Variants in LRP1B observed in about 807,000 individuals in gnomAD.
LRP1B encodes LDL receptor related protein 1B, also known as low-density lipoprotein receptor-related protein 1B.
Under a neutral mutation model 556.6 loss-of-function variants are expected in LRP1B, and 217 were observed. The ratio of observed to expected loss-of-function variants is 0.39; its 90% CI spans 0.35 to 0.44. The LOEUF (loss-of-function observed/expected upper bound fraction) is 0.44, where lower values mean the gene tolerates loss of function less well. LRP1B is among the 20% of genes least tolerant of loss of function. The pLI, the probability that LRP1B is intolerant of heterozygous loss-of-function variation, is 1.00. For synonymous variants in LRP1B, 2,047 were observed against 1,865.8 expected (o/e 1.10, Z -2.50); for missense variants, 5,053 against 5,620.8 (o/e 0.90, Z 3.23).
At chr2:141,050,360 G>A (rs937547010) in intron 10 of LRP1B, among the ~76,000 whole-genome samples, 3 of 151,636 alleles carry the variant, frequency 2.0e-5, no homozygotes, top group Admixed American at 1.3e-4. Context: ...TTAAGTTCTG[G>A]GTACATATGC....
intron 1 of LRP1B, among the ~76,000 whole-genome samples, chr2:141,918,215 A>C (rs1375512371): frequency 1.3e-5 from 2 of 151,934 alleles, no homozygotes; most frequent in Non-Finnish European, 2.9e-5. Flanking sequence ...CAGTGGAGGG[A>C]GGATAAATTA....
chr2:141,625,193 T>C (rs552032510), intron 2 of LRP1B, among the ~76,000 whole-genome samples: 15 of 152,322 alleles, frequency 9.8e-5, no homozygotes, highest in African/African-American at 3.1e-4. Context: ...ACTTTTTAAG[T>C]CACAGAATTT....
At chr2:141,159,587 A>C (rs1702153927) in intron 7 of LRP1B, among the ~76,000 whole-genome samples, 1 of 152,034 alleles carries the variant, frequency 6.6e-6, no homozygotes, top group African/African-American at 2.4e-5. Context: ...TTAAAAAGCA[A>C]AGGTAATTAA....
chr2:140,723,320 G>C (rs1687480374), intron 35 of LRP1B, among the ~76,000 whole-genome samples: 2 of 152,124 alleles, frequency 1.3e-5, no homozygotes, highest in South Asian at 4.1e-4. Context: ...CTTTAACTTT[G>C]GGAACATCAA....
At chr2:140,382,816 A>T (rs996589900) in intron 67 of LRP1B, among the ~76,000 whole-genome samples, 56 of 152,200 alleles carry the variant, frequency 3.7e-4, no homozygotes, top group African/African-American at 1.2e-3. Flanking sequence ...TTATTTTTCA[A>T]CTACAGTTAT....
chr2:140,827,153 C>T (rs1691537522), intron 31 of LRP1B, among the ~76,000 whole-genome samples: 1 of 152,044 alleles, frequency 6.6e-6, no homozygotes. Flanking sequence ...AGCAAACATA[C>T]CCTAGAAAAC....
chr2:142,065,182 T>G (rs1275326662), intron 1 of LRP1B, among the ~76,000 whole-genome samples: 1 of 151,550 alleles, frequency 6.6e-6, no homozygotes, highest in Non-Finnish European at 1.5e-5. Context: ...TTACCACTGC[T>G]GTATCAAATT....
chr2:140,857,112 G>GA (rs1186176760), intron 27 of LRP1B, among the ~76,000 whole-genome samples: 2 of 151,870 alleles, frequency 1.3e-5, no homozygotes, highest in African/African-American at 2.4e-5. Context: ...CCAGGGAAAA[G>GA]AAAAAAACAC....
At chr2:140,851,855 G>C (rs951152972) in intron 27 of LRP1B, 72 bp from the exon 28 acceptor site, 1 of 1,403,686 alleles carries the variant, frequency 7.1e-7, no homozygotes, top group Non-Finnish European at 9.6e-7. Flanking sequence ...GGTTGACAGG[G>C]GTTATTCACC....
intron 2 of LRP1B, among the ~76,000 whole-genome samples, chr2:141,808,275 C>A (rs950022277): frequency 1.3e-5 from 2 of 152,010 alleles, no homozygotes; most frequent in African/African-American, 4.8e-5. Flanking sequence ...TTGTTATTTT[C>A]TCCATCACAG....
At chr2:140,978,135 C>T (rs571151367) in intron 18 of LRP1B, among the ~76,000 whole-genome samples, 35 of 152,226 alleles carry the variant, frequency 2.3e-4, no homozygotes, top group Non-Finnish European at 4.6e-4. Context: ...CCTCAGAGGG[C>T]CTTCCCAATT....
At chr2:140,612,620 A>G (rs1683109062) in intron 41 of LRP1B, among the ~76,000 whole-genome samples, 1 of 152,028 alleles carries the variant, frequency 6.6e-6, no homozygotes, top group Admixed American at 6.6e-5. Flanking sequence ...CAGCATTTTC[A>G]TTATGGTGGA....
At chr2:141,635,761 A>G (rs1471117754) in intron 2 of LRP1B, among the ~76,000 whole-genome samples, 1 of 152,216 alleles carries the variant, frequency 6.6e-6, no homozygotes, top group East Asian at 1.9e-4. Flanking sequence ...TCATGGAAAG[A>G]GCTAAATAAG....
intron 2 of LRP1B, among the ~76,000 whole-genome samples, chr2:141,649,092 G>A (rs896521397): frequency 6.6e-6 from 1 of 152,204 alleles, no homozygotes; most frequent in African/African-American, 2.4e-5. Flanking sequence ...TCCTCAAGGA[G>A]GGTTGTGTTC....
intron 84 of LRP1B, among the ~76,000 whole-genome samples, chr2:140,285,109 A>G (rs1552438): frequency 0.29 from 43,256 of 149,526 alleles, 7,647 homozygotes; most frequent in Non-Finnish European, 0.4. Context: ...CTCTATATAT[A>G]TATGTGTGTG....
chr2:141,170,947 T>A (rs1680475443), intron 7 of LRP1B, among the ~76,000 whole-genome samples: 2 of 152,148 alleles, frequency 1.3e-5, no homozygotes, highest in Non-Finnish European at 1.5e-5. Flanking sequence ...TCCTGATTGA[T>A]CCACAATTAT....
intron 66 of LRP1B, among the ~76,000 whole-genome samples, chr2:140,428,372 G>A (rs907331748): frequency 6.6e-6 from 1 of 152,102 alleles, no homozygotes; most frequent in African/African-American, 2.4e-5. Flanking sequence ...AAACCGCAGT[G>A]GCCAGGTATT....
At chr2:141,555,534 G>A (rs1685929967) in intron 2 of LRP1B, among the ~76,000 whole-genome samples, 2 of 151,964 alleles carry the variant, frequency 1.3e-5, no homozygotes, top group South Asian at 4.2e-4. Context: ...GAGTAAACAT[G>A]AAAATACTAT....
At chr2:141,660,837 G>T (rs937495374) in intron 2 of LRP1B, among the ~76,000 whole-genome samples, 1 of 152,132 alleles carries the variant, frequency 6.6e-6, no homozygotes, top group African/African-American at 2.4e-5. Context: ...AGCGCGTTTT[G>T]TTAAGTGGGT....
Sources: allele counts gnomAD v4.1 joint callset (sites outside exome capture counted in the v4.1 genomes callset), GRCh38; gene constraint gnomAD v4.1.1; transcripts MANE v1.5; gene names NCBI Gene and HGNC (gene_info 2026-07-23, HGNC 2026-07-21).